LTBP1: variants seen among roughly 807,000 people sequenced by gnomAD.
LTBP1 encodes latent transforming growth factor beta binding protein 1, also known as latent-transforming growth factor beta-binding protein 1.
In LTBP1, 129 loss-of-function variants were observed where a neutral mutation model predicts 207.6. The observed-to-expected ratio is 0.62, with a 90% CI of 0.54 to 0.72. The LOEUF (loss-of-function observed/expected upper bound fraction) is 0.72. Among genes scored for constraint, LTBP1 ranks in the 30% least tolerant of loss-of-function variants. LTBP1 has a pLI of 0.00. For missense variants in LTBP1, 2,281 were observed against 2,217.2 expected, an observed-to-expected ratio of 1.03 and a Z score of -0.58; for synonymous variants, 963 against 833.7, an observed-to-expected ratio of 1.16 and a Z score of -2.67.
At chr2:33,243,454 T>C (rs557103778) in intron 9 of LTBP1, among the ~76,000 whole-genome samples, 9 of 152,236 alleles carry the variant, frequency 5.9e-5, no homozygotes, top group Non-Finnish European at 1.2e-4. Context: ...GCACCTGGCA[T>C]GTAGTAGGTA....
At chr2:32,950,279 T>G (rs985582036) in intron 2 of LTBP1, among the ~76,000 whole-genome samples, 1 of 152,140 alleles carries the variant, frequency 6.6e-6, no homozygotes, top group Non-Finnish European at 1.5e-5. Flanking sequence ...GAATAGGGCC[T>G]GGTGCGGTGA....
chr2:33,244,935 A>G (rs528355660), intron 10 of LTBP1, among the ~76,000 whole-genome samples: 29 of 151,992 alleles, frequency 1.9e-4, no homozygotes, highest in African/African-American at 6.8e-4. Flanking sequence ...CTGGAGTGCA[A>G]TGGTGCGATC....
intron 22 of LTBP1, among the ~76,000 whole-genome samples, chr2:33,303,406 G>A (rs2094026520): frequency 6.7e-6 from 1 of 149,320 alleles, no homozygotes; most frequent in Non-Finnish European, 1.5e-5. Context: ...GCTGAGGGCA[G>A]TGGCACGATC....
intron 31 of LTBP1, among the ~76,000 whole-genome samples, chr2:33,366,782 G>T (rs71447908): frequency 3.3e-5 from 5 of 152,140 alleles, no homozygotes; most frequent in African/African-American, 1.2e-4. Flanking sequence ...TGGTTGTTTC[G>T]GGCCCTGGAA....
chr2:33,127,604 T>C (rs1000788903), intron 4 of LTBP1, among the ~76,000 whole-genome samples: 1 of 152,130 alleles, frequency 6.6e-6, no homozygotes, highest in African/African-American at 2.4e-5. Flanking sequence ...AGGTGGGACA[T>C]TTGTTATAGA....
chr2:33,075,125 A>C (rs1342582374), intron 3 of LTBP1, among the ~76,000 whole-genome samples: 5 of 152,194 alleles, frequency 3.3e-5, no homozygotes, highest in Non-Finnish European at 5.9e-5. Context: ...CAGATAACAG[A>C]TAGATGGGGC....
At chr2:33,117,794 T>C (rs218192) in intron 4 of LTBP1, among the ~76,000 whole-genome samples, 6,660 of 152,192 alleles carry the variant, frequency 0.044, 203 homozygotes, top group Middle Eastern at 0.071. Flanking sequence ...AAGGCAGATA[T>C]AGTAAGTGTA....
chr2:33,094,121 CTATT>C (rs2079256867), intron 3 of LTBP1, among the ~76,000 whole-genome samples: 1 of 152,048 alleles, frequency 6.6e-6, no homozygotes, highest in Non-Finnish European at 1.5e-5. Flanking sequence ...TATTTGCAGA[CTATT>C]TACAATTTTT....
At chr2:33,302,971 A>G (rs1343718603) in intron 22 of LTBP1, among the ~76,000 whole-genome samples, 7 of 150,946 alleles carry the variant, frequency 4.6e-5, no homozygotes, top group African/African-American at 1.7e-4. Flanking sequence ...ACACACACAC[A>G]CACACACACA....
chr2:33,135,109 A>G, intron 5 of LTBP1, 149 bp downstream of exon 5: 1 of 853,968 alleles, frequency 1.2e-6, no homozygotes, highest in Non-Finnish European at 1.7e-6. Flanking sequence ...GGATCTTTTA[A>G]ATTGCTTTTG....
chr2:33,126,369 G>T (rs1472498035), intron 4 of LTBP1, among the ~76,000 whole-genome samples: 1 of 152,122 alleles, frequency 6.6e-6, no homozygotes, highest in Non-Finnish European at 1.5e-5. Context: ...TATCTGGTTT[G>T]TTCTTAGACA....
intron 33 of LTBP1, 59 bp from the exon 34 acceptor site, chr2:33,398,303 TTA>T (rs1430294503): frequency 7.9e-6 from 12 of 1,515,852 alleles, no homozygotes; most frequent in Non-Finnish European, 1.1e-5. Context: ...AAGCCTCAGG[TTA>T]TGTGTCCTCA....
Position 33,275,008 on chromosome 2 carries a change from C to T in LTBP1, c.2787C>T (p.Gly929=), listed in dbSNP as rs766668066. The T allele has an allele frequency of 6.2e-7, 1 of 1,614,076 alleles. No individual in the cohort carries two copies. The highest frequency in any genetic ancestry group is 1.1e-5 in the South Asian group (1 of 91,066). ...CTQVQHLCSQ[G]RCENTEGSFL... is the part of the protein sequence containing the mutation. ...AGGTCCAACACCTCTGCTCCCAGGG[C>T]CGCTGTGAAAACACCGAGGGAAGTT... Residue 929 remains glycine (G), a synonymous_variant, in exon 17 of 34, where the codon GGC becomes GGT. Coordinates refer to ENST00000404816, the MANE Select transcript of LTBP1 (RefSeq NM_206943.4).
intron 3 of LTBP1, among the ~76,000 whole-genome samples, chr2:33,081,981 A>G (rs1223354802): frequency 6.6e-6 from 1 of 152,094 alleles, no homozygotes; most frequent in African/African-American, 2.4e-5. Flanking sequence ...AGTCAATTAA[A>G]CTTTTTTTCT....
chr2:33,047,271 A>T (rs1460482533), intron 3 of LTBP1, among the ~76,000 whole-genome samples: 1 of 152,168 alleles, frequency 6.6e-6, no homozygotes, highest in African/African-American at 2.4e-5. Context: ...ATTTCCCTGT[A>T]CACACTGCTT....
intron 3 of LTBP1, among the ~76,000 whole-genome samples, chr2:33,090,791 G>A (rs890986822): frequency 2.6e-5 from 4 of 152,172 alleles, no homozygotes; most frequent in African/African-American, 9.7e-5. Flanking sequence ...TAATAAAATA[G>A]CAATGAAATA....
At chr2:33,244,613 T>A (rs2092445674) in intron 10 of LTBP1, among the ~76,000 whole-genome samples, 1 of 152,216 alleles carries the variant, frequency 6.6e-6, no homozygotes, top group African/African-American at 2.4e-5. Flanking sequence ...TTTAAAGTAA[T>A]CATGCCCATT....
At chr2:33,070,231 T>C (rs780894863) in intron 3 of LTBP1, among the ~76,000 whole-genome samples, 2 of 152,232 alleles carry the variant, frequency 1.3e-5, no homozygotes, top group Non-Finnish European at 2.9e-5. Flanking sequence ...TTGTTTTTCC[T>C]TTGAAAAGTT....
intron 5 of LTBP1, among the ~76,000 whole-genome samples, chr2:33,170,310 G>C (rs553983637): frequency 6.6e-6 from 1 of 152,288 alleles, no homozygotes; most frequent in Admixed American, 6.5e-5. Flanking sequence ...CTAATACTGC[G>C]CTTTTCCGAC....
Sources: gnomAD v4.1 joint callset for allele counts (sites outside exome capture counted in the v4.1 genomes callset) on GRCh38, gnomAD v4.1.1 for gene constraint, MANE v1.5 for transcripts, NCBI Gene and HGNC (gene_info 2026-07-23, HGNC 2026-07-21) for gene names.